The following EEA1 variants were observed in gnomAD, a reference collection of about 807,000 sequenced individuals.
EEA1 encodes early endosome antigen 1.
A neutral mutation model predicts 209.2 loss-of-function variants in EEA1; 111 were observed. The ratio of observed to expected loss-of-function variants is 0.53; its 90% CI spans 0.45 to 0.62. The LOEUF (loss-of-function observed/expected upper bound fraction) is 0.62. EEA1 is among the 20% of genes least tolerant of loss of function. The pLI is 0.00. For missense variants in EEA1, 1,343 were observed against 1,530.8 expected, an observed-to-expected ratio of 0.88 and a Z score of 2.05; for synonymous variants, 536 against 540.6, an observed-to-expected ratio of 0.99 and a Z score of 0.12.
intron 2 of EEA1, among the ~76,000 whole-genome samples, chr12:92,883,037 A>G (rs1313481026): frequency 1.3e-5 from 2 of 152,198 alleles, no homozygotes; most frequent in African/African-American, 2.4e-5. Context: ...CCCACCAGCA[A>G]TGTATAAGCA....
At chr12:92,783,164 G>C (rs1458913483) in intron 22 of EEA1, among the ~76,000 whole-genome samples, 1 of 152,220 alleles carries the variant, frequency 6.6e-6, no homozygotes, top group East Asian at 1.9e-4. Flanking sequence ...CAGAAGTTCT[G>C]GAAGCCTGGA....
chr12:92,855,308 T>TA (rs1877823918), intron 5 of EEA1, among the ~76,000 whole-genome samples: 1 of 152,190 alleles, frequency 6.6e-6, no homozygotes. Flanking sequence ...GACGTGCCTG[T>TA]AGTCCCAGCT....
chr12:92,857,053 T>TG (rs1290226177), intron 5 of EEA1, among the ~76,000 whole-genome samples: 2 of 152,078 alleles, frequency 1.3e-5, no homozygotes, highest in Admixed American at 1.3e-4. Context: ...ATTACAGGCG[T>TG]GGGCCCATCC....
At chr12:92,851,604 T>C (rs771618907) in intron 8 of EEA1, among the ~76,000 whole-genome samples, 1 of 152,124 alleles carries the variant, frequency 6.6e-6, no homozygotes, top group African/African-American at 2.4e-5. Flanking sequence ...CCTACAAAAC[T>C]GGTAATAAAA....
Position 92,865,004 on chromosome 12 carries a change from A to T in EEA1, c.118-17T>A. ...TATGAAACCCTATAGAAAGGGGCAGAAAAAAGTTTCAAAATAGTATTTAAT... is the reference window on the plus strand; with the variant it reads ...TATGAAACCCTATAGAAAGGGGCAGTAAAAAGTTTCAAAATAGTATTTAAT... On this transcript the variant is annotated splice_polypyrimidine_tract_variant and intron_variant, in intron 2 of 28. Coordinates refer to ENST00000322349, the MANE Select transcript of EEA1 (RefSeq NM_003566.4). The T allele has an allele frequency of 1.9e-6, 3 of 1,568,592 alleles. No individual in the cohort carries two copies. The highest frequency in any genetic ancestry group is 2.6e-6 in the Non-Finnish European group (3 of 1,162,942).
chr12:92,811,113 G>T (rs1274170384), intron 17 of EEA1, among the ~76,000 whole-genome samples, 166 bp downstream of exon 17: 1 of 151,954 alleles, frequency 6.6e-6, no homozygotes, highest in East Asian at 1.9e-4. Flanking sequence ...AATAAAGATA[G>T]AATTCAAACT....
chr12:92,797,659 A>T (rs1874716482), intron 21 of EEA1, among the ~76,000 whole-genome samples: 1 of 152,224 alleles, frequency 6.6e-6, no homozygotes, highest in Non-Finnish European at 1.5e-5. Flanking sequence ...CAAGGCTAGT[A>T]TATTTTGAAG....
Position 92,776,140 on chromosome 12 carries a change from A to G in EEA1, c.4114-7T>C. 6.3e-7 allele frequency: 1 copy of G among 1,599,716 alleles called. No individual in the cohort carries two copies. Among genetic ancestry groups the G allele is most frequent in the Non-Finnish European group, 8.5e-7 (1 of 1,172,894 alleles). ...CACACTGTCGGCAGTGATGCTGTAAATGACAAAAATTAAACAATTTCAAGA... is the reference window on the plus strand; with the variant it reads ...CACACTGTCGGCAGTGATGCTGTAAGTGACAAAAATTAAACAATTTCAAGA... On this transcript the variant is annotated splice_polypyrimidine_tract_variant and splice_region_variant and intron_variant, in intron 28 of 28. Transcript: ENST00000322349.
At chr12:92,845,209 G>C (rs531402574) in intron 9 of EEA1, among the ~76,000 whole-genome samples, 29 of 152,108 alleles carry the variant, frequency 1.9e-4, no homozygotes, top group African/African-American at 6.7e-4. Flanking sequence ...ATTTACTCAA[G>C]GGGACAATAA....
intron 1 of EEA1, among the ~76,000 whole-genome samples, chr12:92,904,048 C>T (rs1175994510): frequency 6.6e-6 from 1 of 152,010 alleles, no homozygotes; most frequent in African/African-American, 2.4e-5. Flanking sequence ...CCACAACCCC[C>T]GCCTCCCGGG....
At chr12:92,821,280 C>T (rs1013973587) in intron 13 of EEA1, among the ~76,000 whole-genome samples, 2 of 152,126 alleles carry the variant, frequency 1.3e-5, no homozygotes, top group Non-Finnish European at 2.9e-5. Context: ...ACTGTATGAC[C>T]ACAACTTACT....
At chr12:92,876,772 G>A (rs951811328) in intron 2 of EEA1, among the ~76,000 whole-genome samples, 9 of 146,556 alleles carry the variant, frequency 6.1e-5, no homozygotes, top group Non-Finnish European at 1.3e-4. Context: ...CCGGATCAGA[G>A]TATCAAGAAG....
At chr12:92,838,210 T>C (rs954843302) in intron 10 of EEA1, among the ~76,000 whole-genome samples, 1 of 152,228 alleles carries the variant, frequency 6.6e-6, no homozygotes, top group African/African-American at 2.4e-5. Context: ...CTTCTTTCAA[T>C]AATGTGCACG....
At chr12:92,848,502 T>G (rs1295555495) in intron 9 of EEA1, among the ~76,000 whole-genome samples, 1 of 152,028 alleles carries the variant, frequency 6.6e-6, no homozygotes, top group Non-Finnish European at 1.5e-5. Flanking sequence ...AAAACTCTAA[T>G]CATAGCTTTT....
At chr12:92,878,464 AAAGAATAGC>A (rs1879007477) in intron 2 of EEA1, among the ~76,000 whole-genome samples, 1 of 152,204 alleles carries the variant, frequency 6.6e-6, no homozygotes, top group Non-Finnish European at 1.5e-5. Flanking sequence ...GAGACAGCTA[AAAGAATAGC>A]AAGTTGAATG....
rs368583748 is a variant in EEA1, at chr12:92,864,855, C to T, written c.245+5G>A. The T allele has an allele frequency of 1.7e-5, 27 of 1,586,796 alleles. No individual in the cohort carries two copies. The highest frequency in any genetic ancestry group is 1.7e-4 in the Middle Eastern group (1 of 6,002). ...ACATTATACTTCAAAATTATCATAC[C>T]GTACCGCTTCAAAGCAAGATTAGAC... On this transcript the variant is annotated splice_donor_5th_base_variant and intron_variant, in intron 3 of 28. Transcript: ENST00000322349.
chr12:92,872,764 C>A (rs987847266), intron 2 of EEA1, among the ~76,000 whole-genome samples: 6 of 152,060 alleles, frequency 3.9e-5, no homozygotes, highest in African/African-American at 1.4e-4. Flanking sequence ...ACCAGTCTGG[C>A]CAACATGGTG....
At chr12:92,885,426 C>T (rs753751575) in intron 2 of EEA1, among the ~76,000 whole-genome samples, 12 of 152,098 alleles carry the variant, frequency 7.9e-5, no homozygotes, top group Non-Finnish European at 1.6e-4. Context: ...GGAAACAAAC[C>T]TCAGAGAGAC....
chr12:92,819,198 T>G (rs1592718606), intron 14 of EEA1, 110 bp downstream of exon 14: 3 of 1,010,654 alleles, frequency 3.0e-6, no homozygotes. Context: ...ATATAACACT[T>G]AAAATGTGCT....
Sources: gnomAD v4.1 joint callset for allele counts (sites outside exome capture counted in the v4.1 genomes callset) on GRCh38, gnomAD v4.1.1 for gene constraint, MANE v1.5 for transcripts, NCBI Gene and HGNC (gene_info 2026-07-23, HGNC 2026-07-21) for gene names.